The following THRB variants were observed in gnomAD, a reference collection of about 807,000 sequenced individuals.
THRB encodes the protein nuclear receptor subfamily 1 group A member 2.
Under a neutral mutation model 47.8 loss-of-function variants are expected in THRB, and 12 were observed. The ratio of observed to expected loss-of-function variants is 0.25; its 90% CI spans 0.16 to 0.41. THRB has a LOEUF of 0.41. Among genes scored for constraint, THRB ranks in the 10% least tolerant of loss-of-function variants. The pLI, the probability that THRB is intolerant of heterozygous loss-of-function variation, is 1.00. For missense variants in THRB, 348 were observed against 589.2 expected (o/e 0.59, Z 4.24); for synonymous variants, 218 against 212.2 (o/e 1.03, Z -0.24).
intron 1 of THRB, among the ~76,000 whole-genome samples, chr3:24,411,575 A>G (rs940075268): frequency 6.6e-6 from 1 of 151,804 alleles, no homozygotes; most frequent in African/African-American, 2.4e-5. Flanking sequence ...ATAAATAATA[A>G]TAATAAATGA....
chr3:24,201,730 T>C (rs1387112554), intron 4 of THRB, among the ~76,000 whole-genome samples: 1 of 152,204 alleles, frequency 6.6e-6, no homozygotes, highest in African/African-American at 2.4e-5. Context: ...TAAAAGACAG[T>C]GTATTTGATG....
At chr3:24,394,077 C>G (rs532241472) in intron 1 of THRB, among the ~76,000 whole-genome samples, 98 of 152,148 alleles carry the variant, frequency 6.4e-4, no homozygotes, top group Middle Eastern at 6.8e-3. Context: ...AGATAAGGCT[C>G]AAAGAAGTTA....
chr3:24,244,337 T>C (rs1290930492), intron 3 of THRB, among the ~76,000 whole-genome samples: 2 of 152,056 alleles, frequency 1.3e-5, no homozygotes, highest in Non-Finnish European at 2.9e-5. Context: ...GAAAAAGAAA[T>C]AGGCTATTAT....
chr3:24,133,885 T>C (rs1204847886), intron 8 of THRB, among the ~76,000 whole-genome samples: 1 of 152,160 alleles, frequency 6.6e-6, no homozygotes, highest in Non-Finnish European at 1.5e-5. Flanking sequence ...TGGGCAGTGA[T>C]AGAGCAGAGC....
intron 4 of THRB, among the ~76,000 whole-genome samples, chr3:24,227,827 A>C (rs1338256874): frequency 2.0e-5 from 3 of 152,120 alleles, no homozygotes; most frequent in Non-Finnish European, 2.9e-5. Flanking sequence ...GTCTATGAGG[A>C]CCTGCCCTGT....
intron 1 of THRB, among the ~76,000 whole-genome samples, chr3:24,349,145 C>A (rs549107077): frequency 7.9e-5 from 12 of 152,030 alleles, no homozygotes; most frequent in Admixed American, 2.6e-4. Flanking sequence ...CTTTAAAATC[C>A]ATTTTTAAAA....
intron 1 of THRB, among the ~76,000 whole-genome samples, chr3:24,440,500 T>C (rs890438595): frequency 8.5e-5 from 13 of 152,290 alleles, no homozygotes; most frequent in African/African-American, 1.4e-4. Flanking sequence ...TGTATTTTGA[T>C]ATACTAAGTT....
intron 1 of THRB, among the ~76,000 whole-genome samples, chr3:24,463,841 A>G (rs930346693): frequency 1.3e-5 from 2 of 152,236 alleles, no homozygotes; most frequent in Non-Finnish European, 2.9e-5. Context: ...GTGCAGAACT[A>G]TTAATTTACA....
intron 1 of THRB, among the ~76,000 whole-genome samples, chr3:24,354,603 CA>C (rs1382914782): frequency 2.0e-5 from 3 of 152,052 alleles, no homozygotes; most frequent in Non-Finnish European, 4.4e-5. Flanking sequence ...ACTGAGAGTA[CA>C]CACTGGAGGA....
At chr3:24,439,199 G>A (rs994237091) in intron 1 of THRB, among the ~76,000 whole-genome samples, 2 of 152,086 alleles carry the variant, frequency 1.3e-5, no homozygotes, top group African/African-American at 4.8e-5. Flanking sequence ...GTCTGGATGA[G>A]GTAGATGTCA....
chr3:24,334,720 A>T (rs745885182), intron 2 of THRB, among the ~76,000 whole-genome samples: 4 of 152,124 alleles, frequency 2.6e-5, no homozygotes, highest in Admixed American at 6.5e-5. Context: ...GGGGCTCAGG[A>T]GGGACATTTC....
chr3:24,487,487 T>C (rs565888360), intron 1 of THRB, among the ~76,000 whole-genome samples: 3 of 152,244 alleles, frequency 2.0e-5, no homozygotes, highest in African/African-American at 7.2e-5. Flanking sequence ...AAACTCAAGA[T>C]TTCCCAAACA....
chr3:24,374,311 A>G (rs1421289436), intron 1 of THRB, among the ~76,000 whole-genome samples: 1 of 152,156 alleles, frequency 6.6e-6, no homozygotes, highest in Admixed American at 6.6e-5. Context: ...TATACTCAAG[A>G]ACATATTTTT....
At chr3:24,430,959 A>C (rs1275770862) in intron 1 of THRB, 1 of 152,140 alleles carries the variant, frequency 6.6e-6, no homozygotes, top group East Asian at 1.9e-4. Context: ...GTCTGAGCCA[A>C]AGGAATAAAG....
chr3:24,268,111 G>T (rs1464788854), intron 3 of THRB, among the ~76,000 whole-genome samples: 2 of 152,122 alleles, frequency 1.3e-5, no homozygotes, highest in South Asian at 2.1e-4. Flanking sequence ...GAAATAAAGT[G>T]AATGGACACA....
At chr3:24,417,131 CACACACA>C in intron 1 of THRB, among the ~76,000 whole-genome samples, 1 of 144,486 alleles carries the variant, frequency 6.9e-6, no homozygotes, top group South Asian at 2.2e-4. Context: ...CACACACACA[CACACACA>C]CGCGCAACGC....
chr3:24,248,107 T>C (rs1190994166), intron 3 of THRB, among the ~76,000 whole-genome samples: 10 of 152,086 alleles, frequency 6.6e-5, no homozygotes, highest in Admixed American at 6.6e-4. Context: ...CTCAGAAAAT[T>C]AGAACTTCTA....
intron 1 of THRB, among the ~76,000 whole-genome samples, chr3:24,387,331 G>A (rs1272302480): frequency 1.3e-5 from 2 of 152,034 alleles, no homozygotes; most frequent in African/African-American, 4.8e-5. Context: ...CCCCATTTAT[G>A]TACACCAATA....
At chr3:24,337,736 C>T (rs1017564054) in intron 1 of THRB, among the ~76,000 whole-genome samples, 2 of 152,072 alleles carry the variant, frequency 1.3e-5, no homozygotes, top group Admixed American at 6.5e-5. Flanking sequence ...AGCCACTGTG[C>T]GTTAAAGGGA....
Sources: allele counts gnomAD v4.1 joint callset (sites outside exome capture counted in the v4.1 genomes callset), GRCh38; gene constraint gnomAD v4.1.1; transcripts MANE v1.5; gene names NCBI Gene and HGNC (gene_info 2026-07-23, HGNC 2026-07-21).